Variants in CMIP observed in about 807,000 individuals in gnomAD.
CMIP encodes the protein c-Maf inducing protein.
In CMIP, 13 loss-of-function variants were observed where a neutral mutation model predicts 97.3. The observed-to-expected ratio is 0.13, with a 90% CI of 0.09 to 0.21. The LOEUF is 0.21. Ranked by LOEUF, CMIP falls within the 10% of genes least tolerant of loss-of-function variation. The pLI is 1.00. For synonymous variants in CMIP, 538 were observed against 436.3 expected (o/e 1.23, Z -2.91); for missense variants, 847 against 1,024.9 (o/e 0.83, Z 2.37).
rs35314200 is a variant in CMIP, at chr16:81,675,370, ATTTTTTTTTTTTTT to A, written c.1035-2898_1035-2885del. The stretch of plus-strand genomic sequence containing the variant: ...AGGTGTGCACTGCCACACCTGGCTA[ATTTTTTTTTTTTTT>A]TTTTTTGTATTTTTAGTAGAGATGG... On this transcript the variant is annotated intron_variant, in intron 9 of 20. Transcript: ENST00000537098. 2.3e-3 allele frequency among the ~76,000 whole-genome samples: 283 copies of A among 123,372 alleles called. 1 individual carries two copies. Among genetic ancestry groups the A allele is most frequent in the African/African-American group, 8.1e-3 (270 of 33,302 alleles). 80.9% of individuals were successfully genotyped at this position (123,372 alleles called of 152,430 possible). A position where few individuals can be genotyped will look rare whatever the true frequency, so the allele number is the denominator to read the frequency against.
At chr16:81,523,284 T>G (rs2090064495) in intron 1 of CMIP, among the ~76,000 whole-genome samples, 1 of 152,238 alleles carries the variant, frequency 6.6e-6, no homozygotes, top group African/African-American at 2.4e-5. Flanking sequence ...GATGCTCATG[T>G]GTTGGAGATC....
chr16:81,569,717 G>A (rs2091049383), intron 1 of CMIP, among the ~76,000 whole-genome samples: 1 of 152,224 alleles, frequency 6.6e-6, no homozygotes, highest in African/African-American at 2.4e-5. Flanking sequence ...GGGCACAGTT[G>A]GCTTCTGGGA....
intron 3 of CMIP, among the ~76,000 whole-genome samples, chr16:81,649,355 C>T (rs1254874351): frequency 3.3e-5 from 5 of 152,240 alleles, no homozygotes; most frequent in South Asian, 2.1e-4. Context: ...TGTACCGACC[C>T]CGAGGGCTCG....
At chr16:81,682,421 C>T in intron 10 of CMIP, among the ~76,000 whole-genome samples, 1 of 152,136 alleles carries the variant, frequency 6.6e-6, no homozygotes, top group East Asian at 1.9e-4. Context: ...AAAAATTAGC[C>T]TGGCGTGGTG....
At chr16:81,486,326 C>T (rs912365839) in intron 1 of CMIP, among the ~76,000 whole-genome samples, 3 of 151,054 alleles carry the variant, frequency 2.0e-5, no homozygotes, top group South Asian at 4.2e-4. Flanking sequence ...TTTCGTCCAT[C>T]CACTAGGCCT....
chr16:81,531,354 C>T (rs554177038), intron 1 of CMIP, among the ~76,000 whole-genome samples: 1 of 152,304 alleles, frequency 6.6e-6, no homozygotes, highest in South Asian at 2.1e-4. Context: ...AGGAAATCAA[C>T]CCTGTTGACA....
chr16:81,651,318 C>T (rs1176667462), intron 3 of CMIP: 2 of 491,078 alleles, frequency 4.1e-6, no homozygotes, highest in Non-Finnish European at 5.3e-6. Flanking sequence ...CTTCCGAGGG[C>T]CTCCGTTTCC....
At chr16:81,485,141 G>C (rs2089295956) in intron 1 of CMIP, among the ~76,000 whole-genome samples, 1 of 152,144 alleles carries the variant, frequency 6.6e-6, no homozygotes, top group Non-Finnish European at 1.5e-5. Context: ...TCATTTGCTT[G>C]AATAGCTGTG....
intron 2 of CMIP, among the ~76,000 whole-genome samples, chr16:81,609,400 T>C (rs1305466687): frequency 6.6e-6 from 1 of 152,034 alleles, no homozygotes; most frequent in Non-Finnish European, 1.5e-5. Flanking sequence ...GGGCGGGCAA[T>C]CACAGGGTTC....
intron 1 of CMIP, among the ~76,000 whole-genome samples, chr16:81,536,572 A>G (rs1231975629): frequency 6.6e-6 from 1 of 152,192 alleles, no homozygotes; most frequent in Non-Finnish European, 1.5e-5. Flanking sequence ...CGTCTCCGGA[A>G]CCTTCTTTCT....
intron 2 of CMIP, among the ~76,000 whole-genome samples, chr16:81,613,436 T>C (rs1567610613): frequency 6.6e-6 from 1 of 152,210 alleles, no homozygotes; most frequent in African/African-American, 2.4e-5. Flanking sequence ...TCTGGATCCT[T>C]AGACTCTAAC....
In CMIP at chr16:81,710,539, G is replaced by GA. The variant is rs200217062; in HGVS notation, c.*751dup. ...GGAAACAAACAGACAACAAAAAGAA[G>GA]AAAAAAAAAAAGAACCTCCTTGGAA... On this transcript the variant is annotated 3_prime_UTR_variant, in exon 21 of 21. Coordinates refer to ENST00000537098, the MANE Select transcript of CMIP (RefSeq NM_198390.3). The GA allele has an allele frequency of 5.5e-4, 78 of 140,592 alleles. No individual in the cohort carries two copies. The highest frequency in any genetic ancestry group is 7.9e-4 in the Non-Finnish European group (51 of 64,248). 8.7% of individuals were successfully genotyped at this position (140,592 alleles called of 1,614,324 possible).
chr16:81,541,174 G>T (rs62046624), intron 1 of CMIP, among the ~76,000 whole-genome samples: 1 of 151,884 alleles, frequency 6.6e-6, no homozygotes, highest in African/African-American at 2.4e-5. Context: ...CCCCGACCCT[G>T]TTCCTACCCC....
At chr16:81,657,091 A>G (rs2092491899) in intron 4 of CMIP, among the ~76,000 whole-genome samples, 1 of 152,152 alleles carries the variant, frequency 6.6e-6, no homozygotes, top group Admixed American at 6.5e-5. Context: ...GTTCCCAAGC[A>G]TTTTCAGTAA....
chr16:81,608,691 G>A (rs529428204), intron 2 of CMIP, among the ~76,000 whole-genome samples: 1 of 151,914 alleles, frequency 6.6e-6, no homozygotes, highest in East Asian at 1.9e-4. Context: ...AGAAGTGACT[G>A]ACAAAAACCA....
chr16:81,539,922 T>G (rs2090417255), intron 1 of CMIP, among the ~76,000 whole-genome samples: 1 of 152,232 alleles, frequency 6.6e-6, no homozygotes, highest in Admixed American at 6.5e-5. Flanking sequence ...CTCTACGTGC[T>G]CCGTGTGTAC....
chr16:81,556,118 C>T (rs956164863), intron 1 of CMIP, among the ~76,000 whole-genome samples: 1 of 152,132 alleles, frequency 6.6e-6, no homozygotes, highest in African/African-American at 2.4e-5. Flanking sequence ...GTTTCTGAGT[C>T]CTGGGAACTG....
At chr16:81,462,236 G>C (rs1906939585) in intron 1 of CMIP, among the ~76,000 whole-genome samples, 1 of 152,212 alleles carries the variant, frequency 6.6e-6, no homozygotes, top group Non-Finnish European at 1.5e-5. Flanking sequence ...CTGCTGAATG[G>C]ATGTTCTGGG....
intron 1 of CMIP, among the ~76,000 whole-genome samples, chr16:81,484,489 G>A (rs1344992541): frequency 1.3e-5 from 2 of 152,152 alleles, no homozygotes; most frequent in Non-Finnish European, 2.9e-5. Context: ...GGTGGAGAAC[G>A]ATCACCTGGC....
Sources: allele counts gnomAD v4.1 joint callset (sites outside exome capture counted in the v4.1 genomes callset), GRCh38; gene constraint gnomAD v4.1.1; transcripts MANE v1.5; gene names NCBI Gene and HGNC (gene_info 2026-07-23, HGNC 2026-07-21).